The following LONRF1 variants were observed in gnomAD, a reference collection of about 807,000 sequenced individuals.
LONRF1 encodes LON peptidase N-terminal domain and RING finger protein 1.
In LONRF1, 37 loss-of-function variants were observed where a neutral mutation model predicts 85.8. That is an observed-to-expected ratio of 0.43 (90% CI 0.33 to 0.57). LONRF1 has a LOEUF of 0.57. Among genes scored for constraint, LONRF1 ranks in the 20% least tolerant of loss-of-function variants. The pLI is 0.04. For synonymous variants in LONRF1, 517 were observed against 390.1 expected (o/e 1.33, Z -3.83); for missense variants, 1,036 against 978.0 (o/e 1.06, Z -0.79).
intron 1 of LONRF1, among the ~76,000 whole-genome samples, chr8:12,745,599 C>T (rs17118252): frequency 6.6e-6 from 1 of 152,196 alleles, no homozygotes; most frequent in South Asian, 2.1e-4. Context: ...GAGGACACTA[C>T]AGACGAGTCA....
intron 1 of LONRF1, among the ~76,000 whole-genome samples, chr8:12,746,358 C>T (rs529973100): frequency 1.6e-4 from 24 of 152,300 alleles, no homozygotes; most frequent in South Asian, 4.1e-4. Flanking sequence ...CCATACCTAA[C>T]TACCCACACT....
chr8:12,754,567 C>G (rs1443400261), intron 1 of LONRF1, 133 bp downstream of exon 1: 1 of 1,088,216 alleles, frequency 9.2e-7, no homozygotes. Context: ...ACCCCGAGAC[C>G]CGACACGCCA....
chr8:12,743,914 G>A (rs966536964), intron 1 of LONRF1, among the ~76,000 whole-genome samples: 1 of 152,068 alleles, frequency 6.6e-6, no homozygotes, highest in Non-Finnish European at 1.5e-5. Context: ...AACGCTTTGT[G>A]ATTCATTTCA....
intron 2 of LONRF1, 71 bp downstream of exon 2, chr8:12,743,093 A>T: frequency 1.0e-6 from 1 of 956,042 alleles, no homozygotes; most frequent in Non-Finnish European, 1.7e-6. Context: ...AAAATTCCTA[A>T]CTGTGAATGA....
intron 3 of LONRF1, among the ~76,000 whole-genome samples, chr8:12,740,346 T>A (rs1477160212): frequency 6.6e-6 from 1 of 152,190 alleles, no homozygotes; most frequent in Non-Finnish European, 1.5e-5. Flanking sequence ...ACCCAATGCT[T>A]CCCAAAGTCA....
chr8:12,739,819 C>T (rs1233886408), intron 3 of LONRF1, among the ~76,000 whole-genome samples: 2 of 152,150 alleles, frequency 1.3e-5, no homozygotes, highest in African/African-American at 2.4e-5. Flanking sequence ...ATAACACTAA[C>T]GAACATGGAA....
chr8:12,737,316 T>G, intron 4 of LONRF1, 176 bp from the exon 5 acceptor site: 1 of 810,360 alleles, frequency 1.2e-6, no homozygotes, highest in South Asian at 1.4e-5. Context: ...GCCAGCACAG[T>G]TGGCCCTCCG....
At chr8:12,737,273 T>A (rs1284218154) in intron 4 of LONRF1, 133 bp from the exon 5 acceptor site, 1 of 1,065,940 alleles carries the variant, frequency 9.4e-7, no homozygotes, top group East Asian at 2.5e-5. Context: ...AGCACTAACT[T>A]GATTCCAACA....
intron 11 of LONRF1, among the ~76,000 whole-genome samples, chr8:12,723,515 G>C (rs915507466): frequency 6.6e-6 from 1 of 152,178 alleles, no homozygotes; most frequent in Non-Finnish European, 1.5e-5. Flanking sequence ...GTCAACACAC[G>C]CTCTTTCCTC....
rs772107247 is a variant in LONRF1, at chr8:12,754,894, G to A, written c.527C>T (p.Ala176Val). The A allele has an allele frequency of 6.7e-7, 1 of 1,493,460 alleles. No homozygotes were observed. The highest frequency in any genetic ancestry group is 8.9e-7 in the Non-Finnish European group (1 of 1,126,302). The allele number at this position is 1,493,460 out of a possible 1,614,324, so 92.5% of individuals were successfully genotyped here. Residue 176 changes from alanine to valine, a missense_variant, in exon 1 of 12, where the codon GCC becomes GTC. Transcript: ENST00000398246. ...TASATDAEGTAPRPPPLAAAI... is the reference protein window; with the variant it reads ...TASATDAEGTVPRPPPLAAAI... ...GGCGGCCAGAGGCGGCGGCCGCGGG[G>A]CGGTCCCTTCAGCATCAGTGGCACT...
At chr8:12,728,559 ATGGGT>A (rs1289376317) in intron 10 of LONRF1, among the ~76,000 whole-genome samples, 1 of 152,236 alleles carries the variant, frequency 6.6e-6, no homozygotes, top group Admixed American at 6.5e-5. Context: ...CAAAACTTAG[ATGGGT>A]TGGAAGTTCA....
chr8:12,737,260 A>T, intron 4 of LONRF1, 120 bp from the exon 5 acceptor site: 1 of 1,185,746 alleles, frequency 8.4e-7, no homozygotes, highest in Non-Finnish European at 1.2e-6. Context: ...ATGTTCATTT[A>T]ATAGCACTAA....
chr8:12,744,536 C>T (rs773042879), intron 1 of LONRF1, among the ~76,000 whole-genome samples: 2 of 152,110 alleles, frequency 1.3e-5, no homozygotes, highest in African/African-American at 2.4e-5. Flanking sequence ...TAGCACAAAC[C>T]TAGACCCTGT....
chr8:12,747,737 G>A (rs1196853808), intron 1 of LONRF1, among the ~76,000 whole-genome samples: 2 of 138,414 alleles, frequency 1.4e-5, no homozygotes, highest in East Asian at 2.3e-4. Flanking sequence ...CACTAACTCA[G>A]GTTGACTGAA....
chr8:12,737,503 T>G (rs1280959721), intron 4 of LONRF1: 3 of 371,526 alleles, frequency 8.1e-6, no homozygotes, highest in African/African-American at 6.3e-5. Context: ...AGAGATGATT[T>G]AAGTATACAG....
chr8:12,749,630 A>G (rs576827079), intron 1 of LONRF1, among the ~76,000 whole-genome samples: 18 of 152,202 alleles, frequency 1.2e-4, no homozygotes, highest in Non-Finnish European at 2.6e-4. Context: ...TGATGAATGA[A>G]AAACAGTTAA....
chr8:12,737,896 C>T (rs997152444), intron 4 of LONRF1, 99 bp downstream of exon 4: 45 of 1,251,220 alleles, frequency 3.6e-5, no homozygotes, highest in Middle Eastern at 1.9e-4. Flanking sequence ...GTTAAAAGTA[C>T]TTAAGTAGGT....
chr8:12,723,318 C>A, intron 11 of LONRF1, 64 bp from the exon 12 acceptor site: 5 of 1,480,328 alleles, frequency 3.4e-6, no homozygotes, highest in Admixed American at 2.2e-5. Flanking sequence ...CAGTAGCAAA[C>A]CACCAAAAAA....
intron 3 of LONRF1, 21 bp from the exon 4 acceptor site, chr8:12,738,165 G>A: frequency 7.2e-7 from 1 of 1,396,624 alleles, no homozygotes; most frequent in Non-Finnish European, 9.7e-7. Context: ...AATATTAAAA[G>A]TAGTAGAAAA....
Sources: gnomAD v4.1 joint callset for allele counts (sites outside exome capture counted in the v4.1 genomes callset) on GRCh38, gnomAD v4.1.1 for gene constraint, MANE v1.5 for transcripts, NCBI Gene and HGNC (gene_info 2026-07-23, HGNC 2026-07-21) for gene names.